Variants in PACS1 observed in about 807,000 individuals in gnomAD.
PACS1 encodes phosphofurin acidic cluster sorting protein 1.
PACS1 carries 24 observed loss-of-function variants against 115.0 expected under a neutral mutation model. The observed-to-expected ratio is 0.21, with a 90% CI of 0.15 to 0.29. PACS1 has a LOEUF of 0.29. Ranked by LOEUF, PACS1 falls within the 10% of genes least tolerant of loss-of-function variation. PACS1 has a pLI of 1.00. For missense variants in PACS1, 838 were observed against 1,251.2 expected, an observed-to-expected ratio of 0.67 and a Z score of 4.98; for synonymous variants, 453 against 504.5, an observed-to-expected ratio of 0.90 and a Z score of 1.37.
chr11:66,177,955 A>C (rs1859910615), intron 1 of PACS1, among the ~76,000 whole-genome samples: 2 of 151,996 alleles, frequency 1.3e-5, no homozygotes, highest in South Asian at 4.1e-4. Context: ...GCTTAAGAAA[A>C]ATGTAGTGAA....
intron 1 of PACS1, among the ~76,000 whole-genome samples, chr11:66,137,465 A>G (rs554219372): frequency 4.6e-5 from 7 of 152,194 alleles, no homozygotes; most frequent in South Asian, 2.1e-4. Context: ...AGAGTGTTTC[A>G]TATGTTTTAT....
chr11:66,218,599 C>A (rs113333367), intron 7 of PACS1: 1 of 152,326 alleles, frequency 6.6e-6, no homozygotes, highest in African/African-American at 2.4e-5. Context: ...CTGTGGCTCA[C>A]GCCTGTAATC....
chr11:66,173,091 G>GTTT (rs1554984845), intron 1 of PACS1, among the ~76,000 whole-genome samples: 2 of 142,476 alleles, frequency 1.4e-5, no homozygotes, highest in African/African-American at 2.6e-5. Flanking sequence ...TTTGATTTTG[G>GTTT]TTTTTTTTTT....
chr11:66,129,975 A>G (rs1002684354), intron 1 of PACS1, among the ~76,000 whole-genome samples: 7 of 152,208 alleles, frequency 4.6e-5, no homozygotes, highest in Non-Finnish European at 8.8e-5. Flanking sequence ...ACCTGAGCTG[A>G]AAACAATTCA....
At chr11:66,190,353 C>G (rs1365974573) in intron 1 of PACS1, among the ~76,000 whole-genome samples, 1 of 152,200 alleles carries the variant, frequency 6.6e-6, no homozygotes, top group Non-Finnish European at 1.5e-5. Context: ...TTTGAGCCAT[C>G]ATTTTTTGCC....
At chr11:66,086,270 C>T (rs937444075) in intron 1 of PACS1, among the ~76,000 whole-genome samples, 12 of 151,730 alleles carry the variant, frequency 7.9e-5, no homozygotes, top group African/African-American at 2.9e-4. Flanking sequence ...TCCCGAGTAG[C>T]TGGGACTACA....
intron 1 of PACS1, among the ~76,000 whole-genome samples, chr11:66,123,980 A>G (rs960859983): frequency 1.3e-5 from 2 of 152,200 alleles, no homozygotes; most frequent in Non-Finnish European, 2.9e-5. Flanking sequence ...TAAAGCCACA[A>G]TATCTCCAAG....
At chr11:66,162,216 G>A (rs1859506067) in intron 1 of PACS1, among the ~76,000 whole-genome samples, 1 of 144,544 alleles carries the variant, frequency 6.9e-6, no homozygotes, top group South Asian at 2.2e-4. Context: ...CTGCCTCCCA[G>A]GTTCAAGTGA....
intron 1 of PACS1, among the ~76,000 whole-genome samples, chr11:66,122,160 A>T (rs1858459601): frequency 6.6e-6 from 1 of 152,236 alleles, no homozygotes; most frequent in South Asian, 2.1e-4. Flanking sequence ...GCCCTTAAAA[A>T]TTATGCTCAA....
chr11:66,230,386 T>A, intron 11 of PACS1, 162 bp from the exon 12 acceptor site: 1 of 615,526 alleles, frequency 1.6e-6, no homozygotes, highest in Non-Finnish European at 2.9e-6. Context: ...AGTGGCGATT[T>A]TCCTTCGGCT....
chr11:66,121,351 A>G (rs1054274309), intron 1 of PACS1, among the ~76,000 whole-genome samples: 1 of 152,180 alleles, frequency 6.6e-6, no homozygotes, highest in Admixed American at 6.5e-5. Context: ...TTCATGAGAT[A>G]CAGTATTGAA....
intron 1 of PACS1, among the ~76,000 whole-genome samples, chr11:66,125,143 A>C (rs763820768): frequency 1.3e-5 from 2 of 152,160 alleles, no homozygotes; most frequent in Non-Finnish European, 2.9e-5. Context: ...GGGCTAAGCT[A>C]TGAGGATGCA....
chr11:66,235,968 C>A lies in PACS1; in HGVS notation c.2250+28C>A, dbSNP rs1565158711. 2 of 1,600,578 alleles carry A rather than the reference C, an allele frequency of 1.2e-6. No homozygotes were observed. The highest frequency in any genetic ancestry group is 1.7e-6 in the Non-Finnish European group (2 of 1,167,768). Reference sequence around the variant, plus strand: ...GAGTACTGACTCCCTCTGCTTGGCACCCCACCCGTTCTCCTGGTCTTCCTG... The same window carrying A: ...GAGTACTGACTCCCTCTGCTTGGCAACCCACCCGTTCTCCTGGTCTTCCTG... On this transcript the variant is annotated intron_variant, in intron 19 of 23. Coordinates refer to ENST00000320580, the MANE Select transcript of PACS1 (RefSeq NM_018026.4). This position sits in a 1 kb window ranked among gnomAD's most constrained non-coding sequence, Gnocchi z 5.6.
intron 1 of PACS1, among the ~76,000 whole-genome samples, chr11:66,161,084 T>C (rs1224719262): frequency 6.6e-6 from 1 of 152,206 alleles, no homozygotes; most frequent in African/African-American, 2.4e-5. Flanking sequence ...GCATCTAGAA[T>C]AGGCGAGGCA....
At chr11:66,229,211 C>T (rs933528490) in intron 11 of PACS1, among the ~76,000 whole-genome samples, 2 of 63,222 alleles carry the variant, frequency 3.2e-5, no homozygotes, top group African/African-American at 1.4e-4. Context: ...CCCGTCTCTA[C>T]AAAAAAAAAA....
chr11:66,224,807 G>A (rs956293025), intron 10 of PACS1, among the ~76,000 whole-genome samples: 2 of 152,204 alleles, frequency 1.3e-5, no homozygotes, highest in Admixed American at 1.3e-4. Context: ...ACGAGATTGT[G>A]CACCTGTAGG....
chr11:66,230,094 A>G (rs1855555227), intron 11 of PACS1, among the ~76,000 whole-genome samples: 1 of 151,206 alleles, frequency 6.6e-6, no homozygotes, highest in Non-Finnish European at 1.5e-5. Flanking sequence ...GAGAATCTCA[A>G]CGGAGATGCA....
At chr11:66,087,081 A>G (rs1355874638) in intron 1 of PACS1, among the ~76,000 whole-genome samples, 1 of 152,106 alleles carries the variant, frequency 6.6e-6, no homozygotes, top group Non-Finnish European at 1.5e-5. Context: ...TCAAGAAACA[A>G]CATTACCAAC....
At position 66,172,260 on chromosome 11, in the gene PACS1, A is replaced by G. The variant is rs1859757317; in HGVS notation, c.357-21226A>G. 2.0e-5 allele frequency among the ~76,000 whole-genome samples: 3 copies of G among 152,292 alleles called. No individual in the cohort carries two copies. The South Asian group carries it at 6.2e-4, about 32-fold the overall frequency. On this transcript the variant is annotated intron_variant, in intron 1 of 23. Coordinates refer to ENST00000320580, the MANE Select transcript of PACS1 (RefSeq NM_018026.4). ...TCATGAAATGTGTGAGCCAGCCTCC[A>G]CGGTCTCCCTTATGACTGTGGCTCT...
Sources: gnomAD v4.1 joint callset for allele counts (sites outside exome capture counted in the v4.1 genomes callset) on GRCh38, gnomAD v4.1.1 for gene constraint, Gnocchi (gnomAD v3.1) non-coding constraint, MANE v1.5 for transcripts, NCBI Gene and HGNC (gene_info 2026-07-23, HGNC 2026-07-21) for gene names.